The following TBC1D22A variants were observed in gnomAD, a reference collection of about 807,000 sequenced individuals.
The protein encoded by TBC1D22A is TBC1 domain family member 22A, also known as putative GTPase activator.
A neutral mutation model predicts 60.2 loss-of-function variants in TBC1D22A; 38 were observed. That is an observed-to-expected ratio of 0.63 (90% CI 0.49 to 0.83). The LOEUF is 0.83. TBC1D22A is among the 40% of genes least tolerant of loss of function. The pLI is 0.00. For synonymous variants in TBC1D22A, 302 were observed against 281.7 expected (o/e 1.07, Z -0.72); for missense variants, 628 against 701.0 (o/e 0.90, Z 1.18).
At chr22:46,773,602 C>T (rs1390862826) in intron 1 of TBC1D22A, among the ~76,000 whole-genome samples, 1 of 152,170 alleles carries the variant, frequency 6.6e-6, no homozygotes, top group Non-Finnish European at 1.5e-5. Flanking sequence ...GTAGCTGGGG[C>T]TACAGGCTCA....
At chr22:47,096,589 A>G (rs1258419066) in intron 11 of TBC1D22A, among the ~76,000 whole-genome samples, 1 of 152,136 alleles carries the variant, frequency 6.6e-6, no homozygotes, top group Non-Finnish European at 1.5e-5. Flanking sequence ...TGGGGGGCCG[A>G]GGGAGGCAGA....
intron 11 of TBC1D22A, among the ~76,000 whole-genome samples, chr22:47,090,834 G>A (rs1205141460): frequency 6.8e-6 from 1 of 147,248 alleles, no homozygotes; most frequent in South Asian, 2.2e-4. Flanking sequence ...GATAGAGACG[G>A]GCACGAGAAG....
chr22:47,053,915 A>G (rs2063308466), intron 11 of TBC1D22A, among the ~76,000 whole-genome samples: 1 of 152,220 alleles, frequency 6.6e-6, no homozygotes, highest in Non-Finnish European at 1.5e-5. Context: ...GGACACGGGA[A>G]TGCTCCAGAA....
intron 8 of TBC1D22A, among the ~76,000 whole-genome samples, chr22:46,962,634 C>T (rs73186528): frequency 0.027 from 3,741 of 137,504 alleles, 64 homozygotes; most frequent in South Asian, 0.071. Context: ...GCTGTGTAGA[C>T]GAGGGGATTG....
chr22:46,879,432 AT>A (rs780287157), intron 5 of TBC1D22A, among the ~76,000 whole-genome samples: 1 of 152,000 alleles, frequency 6.6e-6, no homozygotes, highest in Non-Finnish European at 1.5e-5. Context: ...CTTTTTCATT[AT>A]TTTTGGAGCT....
chr22:47,151,539 C>T (rs1407073213), intron 12 of TBC1D22A, among the ~76,000 whole-genome samples: 1 of 152,238 alleles, frequency 6.6e-6, no homozygotes, highest in African/African-American at 2.4e-5. Context: ...AAGCTTGGTC[C>T]ATGGCTGGGA....
chr22:47,114,960 T>C (rs1006429068), intron 12 of TBC1D22A, among the ~76,000 whole-genome samples: 2 of 146,960 alleles, frequency 1.4e-5, no homozygotes, highest in African/African-American at 5.0e-5. Context: ...CATGCGGGCA[T>C]GGTTTGCTTC....
At chr22:47,150,649 G>A (rs1414883311) in intron 12 of TBC1D22A, among the ~76,000 whole-genome samples, 1 of 152,214 alleles carries the variant, frequency 6.6e-6, no homozygotes, top group African/African-American at 2.4e-5. Flanking sequence ...AAGCACGTGT[G>A]CCACAGCTCC....
intron 10 of TBC1D22A, among the ~76,000 whole-genome samples, chr22:47,031,910 C>G (rs1174018015): frequency 2.6e-5 from 4 of 152,188 alleles, no homozygotes; most frequent in African/African-American, 9.6e-5. Flanking sequence ...CTTTCCACCC[C>G]TGAGTCCCTG....
chr22:46,768,442 G>A (rs528624267), intron 1 of TBC1D22A, among the ~76,000 whole-genome samples: 70 of 142,788 alleles, frequency 4.9e-4, no homozygotes, highest in African/African-American at 1.7e-3. Context: ...CCAAGGTCGC[G>A]CCACCGCCCC....
Position 46,819,114 on chromosome 22 carries a change from C to T in TBC1D22A, c.637+21494C>T, listed in dbSNP as rs371692489. ...CTGAGACTTTGCTGAAGTTGCTTAT[C>T]AGTTTCAGAAGTTTTTGGGCTGAGC... On this transcript the variant is annotated intron_variant, in intron 4 of 12. Coordinates refer to ENST00000337137, the MANE Select transcript of TBC1D22A (RefSeq NM_014346.5). Among the ~76,000 whole-genome samples the T allele has an allele frequency of 3.3e-5, 5 of 152,286 alleles. No individual in the cohort carries two copies. In the East Asian group the frequency reaches 7.7e-4, roughly 23 times the overall value.
At chr22:46,863,796 C>T (rs980177607) in intron 4 of TBC1D22A, among the ~76,000 whole-genome samples, 8 of 152,192 alleles carry the variant, frequency 5.3e-5, no homozygotes, top group African/African-American at 9.7e-5. Context: ...CGGGTTGCAC[C>T]TGCTTCTGGC....
chr22:47,092,215 C>A (rs894546234), intron 11 of TBC1D22A, among the ~76,000 whole-genome samples: 2 of 152,142 alleles, frequency 1.3e-5, no homozygotes, highest in African/African-American at 4.8e-5. Flanking sequence ...CCTCAGGAGT[C>A]CCTGTGGGGA....
chr22:46,909,452 C>T lies in TBC1D22A; in HGVS notation c.901-2622C>T, dbSNP rs541888026. On this transcript the variant is annotated intron_variant, in intron 7 of 12. Transcript: ENST00000337137. Reference sequence around the variant, plus strand: ...TTGTTCCCTGGGCTGTAGAGGATGCCGTGTGGCGACAGAGCTGGGTCCAGT... The same window carrying T: ...TTGTTCCCTGGGCTGTAGAGGATGCTGTGTGGCGACAGAGCTGGGTCCAGT... Among the ~76,000 whole-genome samples the T allele has an allele frequency of 5.3e-5, 8 of 152,232 alleles. No homozygotes were observed. In the East Asian group the frequency reaches 9.7e-4, roughly 18 times the overall value.
At chr22:46,816,889 C>T (rs1227819463) in intron 4 of TBC1D22A, among the ~76,000 whole-genome samples, 1 of 152,208 alleles carries the variant, frequency 6.6e-6, no homozygotes, top group Non-Finnish European at 1.5e-5. Flanking sequence ...GATTGAACCT[C>T]ATTCAAAGGG....
chr22:47,122,755 C>T (rs1342098876), intron 12 of TBC1D22A, among the ~76,000 whole-genome samples: 1 of 152,224 alleles, frequency 6.6e-6, no homozygotes, highest in African/African-American at 2.4e-5. Context: ...CTTCACTGCG[C>T]AGAAGCAGCG....
intron 12 of TBC1D22A, among the ~76,000 whole-genome samples, chr22:47,172,520 A>G (rs1302252571): frequency 6.6e-6 from 1 of 152,210 alleles, no homozygotes; most frequent in Non-Finnish European, 1.5e-5. Flanking sequence ...TCCTACTTAC[A>G]TGCATGTCAT....
chr22:46,961,654 G>T (rs2073510567), intron 8 of TBC1D22A, among the ~76,000 whole-genome samples: 1 of 152,164 alleles, frequency 6.6e-6, no homozygotes, highest in South Asian at 2.1e-4. Flanking sequence ...ATTTCTTCAG[G>T]TAATTTGTTT....
intron 12 of TBC1D22A, among the ~76,000 whole-genome samples, chr22:47,124,084 C>T (rs1601589360): frequency 6.6e-6 from 1 of 152,162 alleles, no homozygotes; most frequent in Non-Finnish European, 1.5e-5. Flanking sequence ...TTAGGCCTCC[C>T]CGAAGAGGGG....
Sources: gnomAD v4.1 joint callset for allele counts (sites outside exome capture counted in the v4.1 genomes callset) on GRCh38, gnomAD v4.1.1 for gene constraint, MANE v1.5 for transcripts, NCBI Gene and HGNC (gene_info 2026-07-23, HGNC 2026-07-21) for gene names.